MSRA: variants seen among roughly 807,000 people sequenced by gnomAD.
MSRA encodes the protein methionine sulfoxide reductase A, also known as mitochondrial peptide methionine sulfoxide reductase.
MSRA carries 54 observed loss-of-function variants against 31.3 expected under a neutral mutation model. That is an observed-to-expected ratio of 1.73 (90% CI 1.39 to 2.17). The LOEUF (loss-of-function observed/expected upper bound fraction) is 2.17. MSRA is among the 30% of genes most tolerant of loss of function. The pLI, the probability that MSRA is intolerant of heterozygous loss-of-function variation, is 0.00. For missense variants in MSRA, 507 were observed against 300.9 expected, an observed-to-expected ratio of 1.69 and a Z score of -5.07; for synonymous variants, 169 against 116.5, an observed-to-expected ratio of 1.45 and a Z score of -2.90.
At chr8:10,316,751 T>C (rs944893713) in intron 4 of MSRA, among the ~76,000 whole-genome samples, 13 of 152,172 alleles carry the variant, frequency 8.5e-5, no homozygotes, top group Admixed American at 8.5e-4. Flanking sequence ...CTCAAACACC[T>C]AAGGTAAAGG....
chr8:10,359,104 A>G (rs1804689385), intron 5 of MSRA, among the ~76,000 whole-genome samples: 1 of 152,128 alleles, frequency 6.6e-6, no homozygotes, highest in Admixed American at 6.5e-5. Flanking sequence ...TGCTTTTTCA[A>G]CGTGTAGTTT....
At chr8:10,147,990 C>G (rs906155664) in intron 1 of MSRA, among the ~76,000 whole-genome samples, 13 of 152,220 alleles carry the variant, frequency 8.5e-5, no homozygotes, top group Admixed American at 2.0e-4. Flanking sequence ...TGAGGTGTTG[C>G]TGCCCGTACC....
rs117960220 is a variant in MSRA, at chr8:10,246,334, A to T, written c.331+1111A>T. Among the ~76,000 whole-genome samples the T allele has an allele frequency of 8.0e-3, 1,223 of 152,256 alleles. 11 individuals are homozygous for T. The highest frequency in any genetic ancestry group is 0.045 in the South Asian group (215 of 4,816). On this transcript the variant is annotated intron_variant, in intron 3 of 5. Transcript: ENST00000317173. The stretch of plus-strand genomic sequence containing the variant: ...TGGCAAATTCTGTCTCGAATACCAG[A>T]TTACCTCTCTGGACTTGTTTCTGAC...
chr8:10,244,197 T>C (rs1375670204), intron 2 of MSRA, among the ~76,000 whole-genome samples: 1 of 152,200 alleles, frequency 6.6e-6, no homozygotes, highest in Non-Finnish European at 1.5e-5. Context: ...CCATATAAAA[T>C]TTGAGTGAGG....
chr8:10,124,615 A>G (rs901808664), intron 1 of MSRA, among the ~76,000 whole-genome samples: 2 of 152,254 alleles, frequency 1.3e-5, no homozygotes, highest in South Asian at 4.1e-4. Flanking sequence ...TAAATAGAAC[A>G]GGATGTATGG....
chr8:10,350,266 T>G (rs1804043510), intron 5 of MSRA, among the ~76,000 whole-genome samples: 1 of 152,264 alleles, frequency 6.6e-6, no homozygotes, highest in Admixed American at 6.5e-5. Context: ...CCGCAGTTAC[T>G]GCATCTTTGA....
intron 1 of MSRA, among the ~76,000 whole-genome samples, chr8:10,063,356 C>G (rs544970138): frequency 2.0e-5 from 3 of 152,238 alleles, no homozygotes; most frequent in Non-Finnish European, 4.4e-5. Context: ...CATTCTCTCA[C>G]TGTTTAGGGA....
chr8:10,392,308 G>C (rs1348235261), intron 5 of MSRA, among the ~76,000 whole-genome samples: 1 of 152,194 alleles, frequency 6.6e-6, no homozygotes, highest in Non-Finnish European at 1.5e-5. Flanking sequence ...TACATGCTCT[G>C]AGTCAGCTTG....
chr8:10,135,844 A>G lies in MSRA; in HGVS notation c.143-71989A>G, dbSNP rs112476033. 5.8e-4 allele frequency among the ~76,000 whole-genome samples: 89 copies of G among 152,330 alleles called. 1 individual carries two copies. Among genetic ancestry groups the G allele is most frequent in the African/African-American group, 1.8e-3 (75 of 41,584 alleles). ...CATCCCCAAAGTGTTTCACAGGCCT[A>G]CAGACACGTGGGTCTTTTCACAGAG... On this transcript the variant is annotated intron_variant, in intron 1 of 5. Coordinates refer to ENST00000317173, the MANE Select transcript of MSRA (RefSeq NM_012331.5).
intron 1 of MSRA, among the ~76,000 whole-genome samples, chr8:10,140,793 A>G (rs905778711): frequency 2.0e-5 from 3 of 152,244 alleles, no homozygotes; most frequent in African/African-American, 7.2e-5. Flanking sequence ...AAATAAGAAC[A>G]GGGACATAAA....
intron 1 of MSRA, among the ~76,000 whole-genome samples, chr8:10,190,573 C>G (rs1807424647): frequency 6.6e-6 from 1 of 152,242 alleles, no homozygotes; most frequent in South Asian, 2.1e-4. Flanking sequence ...ACATCTGAGT[C>G]CTTTCATGTC....
chr8:10,378,028 GC>G (rs1361922723), intron 5 of MSRA, among the ~76,000 whole-genome samples: 6 of 152,206 alleles, frequency 3.9e-5, no homozygotes, highest in Non-Finnish European at 8.8e-5. Context: ...AAGGCAAAAG[GC>G]CCCGGGTGGC....
At chr8:10,303,721 T>A (rs1256363307) in intron 4 of MSRA, among the ~76,000 whole-genome samples, 2 of 151,990 alleles carry the variant, frequency 1.3e-5, no homozygotes, top group Admixed American at 1.3e-4. Flanking sequence ...GAGGAAGAGG[T>A]AAGGAAGGGC....
intron 3 of MSRA, among the ~76,000 whole-genome samples, chr8:10,248,794 C>T (rs1438157540): frequency 2.0e-5 from 3 of 152,178 alleles, no homozygotes; most frequent in African/African-American, 7.2e-5. Context: ...TGGGCAGTCT[C>T]CATTGCTTGG....
intron 2 of MSRA, among the ~76,000 whole-genome samples, chr8:10,229,708 A>T (rs950041321): frequency 6.6e-6 from 1 of 152,122 alleles, no homozygotes; most frequent in Non-Finnish European, 1.5e-5. Flanking sequence ...ATAGATGAGA[A>T]AAAAAAGGGT....
intron 3 of MSRA, among the ~76,000 whole-genome samples, chr8:10,293,512 C>T (rs1296535663): frequency 6.6e-6 from 1 of 152,214 alleles, no homozygotes; most frequent in African/African-American, 2.4e-5. Flanking sequence ...AGCATCTTAG[C>T]CTGGGCCTCA....
chr8:10,057,241 G>C (rs961965421), intron 1 of MSRA, among the ~76,000 whole-genome samples: 2 of 152,192 alleles, frequency 1.3e-5, no homozygotes, highest in African/African-American at 4.8e-5. Context: ...CATCTGGGCA[G>C]TGCTGGCTGG....
chr8:10,181,567 A>G (rs541619444), intron 1 of MSRA, among the ~76,000 whole-genome samples: 15 of 152,302 alleles, frequency 9.8e-5, no homozygotes, highest in African/African-American at 3.6e-4. Flanking sequence ...AACCACAGGA[A>G]ACATGGAAGC....
rs545232752 is a variant in MSRA at position 10,186,395 on chromosome 8, T to G, written c.143-21438T>G. 7.9e-5 allele frequency among the ~76,000 whole-genome samples: 12 copies of G among 152,318 alleles called. No homozygotes were observed. In the East Asian group the frequency reaches 2.1e-3, roughly 27 times the overall value. ...TATAAATGAATGAGTGTGGCTGTGT[T>G]CCCATTAAATTTTATTTAATGACAC... On this transcript the variant is annotated intron_variant, in intron 1 of 5. Transcript: ENST00000317173.
Sources: gnomAD v4.1 joint callset for allele counts (sites outside exome capture counted in the v4.1 genomes callset) on GRCh38, gnomAD v4.1.1 for gene constraint, MANE v1.5 for transcripts, NCBI Gene and HGNC (gene_info 2026-07-23, HGNC 2026-07-21) for gene names.